MMS19: variants seen among roughly 807,000 people sequenced by gnomAD.
The protein encoded by MMS19 is MMS19 cytosolic iron-sulfur assembly component.
Under a neutral mutation model 129.8 loss-of-function variants are expected in MMS19, and 77 were observed. That is an observed-to-expected ratio of 0.59 (90% CI 0.49 to 0.72). The LOEUF (loss-of-function observed/expected upper bound fraction) is 0.72, where lower values mean the gene tolerates loss of function less well. Among genes scored for constraint, MMS19 ranks in the 30% least tolerant of loss-of-function variants. The probability of loss-of-function intolerance (pLI) is 0.00; values close to 1 mark genes in which losing one functional copy is unlikely to be tolerated. For missense variants in MMS19, 1,168 were observed against 1,266.3 expected (o/e 0.92, Z 1.18); for synonymous variants, 491 against 502.8 (o/e 0.98, Z 0.31).
Position 97,466,084 on chromosome 10 carries a change from G to A in MMS19, c.1581C>T (p.Pro527=). 1 of 1,612,176 alleles carries A rather than the reference G, an allele frequency of 6.2e-7. No individual in the cohort carries two copies. Among genetic ancestry groups the A allele is most frequent in the Non-Finnish European group, 8.5e-7 (1 of 1,178,968 alleles). ...YPVAFSSHLV[P]KLAEELRVGE... ...CTACACGCAGCTCCTCAGCGAGCTT[G>A]GGTACGAGGTGGCTGCTGAAGGCCA... Residue 527 remains proline (P), a synonymous_variant, in exon 17 of 31, where the codon CCC becomes CCT. Coordinates refer to ENST00000438925, the MANE Select transcript of MMS19 (RefSeq NM_022362.5).
chr10:97,461,881 G>C lies in MMS19; in HGVS notation c.2131C>G (p.Gln711Glu). 2 of 1,605,854 alleles carry C rather than the reference G, an allele frequency of 1.2e-6. No individual in the cohort carries two copies. The highest frequency in any genetic ancestry group is 1.7e-5 in the Admixed American group (1 of 58,880). The change falls in exon 22 of 31, where the codon CAG (glutamine) becomes GAG (glutamate). Residue 711 changes from glutamine (Q) to glutamate (E), a missense_variant. By Grantham distance (29) the Gln-to-Glu change is conservative (BLOSUM62 2). This residue lies in a region of MMS19 where 831 missense variants were observed against 910.8 expected (regional missense o/e 0.91). Coordinates refer to ENST00000438925, the MANE Select transcript of MMS19 (RefSeq NM_022362.5). ...FQPFQDGSSG[Q>E]RRLIALLMAF... ...ATAAGCAGTGCAATCAGCCGCCTCTGCCCTGAGGAGCCATCCTATAAAGGA... is the reference window on the plus strand; with the variant it reads ...ATAAGCAGTGCAATCAGCCGCCTCTCCCCTGAGGAGCCATCCTATAAAGGA...
At chr10:97,469,595 T>C (rs949910347) in intron 11 of MMS19, 51 bp downstream of exon 11, 1 of 1,445,506 alleles carries the variant, frequency 6.9e-7, no homozygotes. Context: ...TTTCCCCTCA[T>C]GCCTGACAAT....
At chr10:97,487,777 TAA>T (rs1482780741) in intron 1 of MMS19, among the ~76,000 whole-genome samples, 7 of 152,114 alleles carry the variant, frequency 4.6e-5, no homozygotes, top group Admixed American at 4.6e-4. Context: ...TCCCGATATA[TAA>T]AGAGTTCCCA....
At chr10:97,469,468 T>C (rs966264183) in intron 11 of MMS19, among the ~76,000 whole-genome samples, 178 bp downstream of exon 11, 13 of 152,194 alleles carry the variant, frequency 8.5e-5, no homozygotes, top group African/African-American at 2.7e-4. Flanking sequence ...GACCGTCACA[T>C]AGGGACTCTC....
rs1336847095 is a variant in MMS19 at position 97,461,201 on chromosome 10, GAA to G, written c.2312-196_2312-195del. The G allele has an allele frequency of 6.6e-6, 4 of 609,490 alleles. No individual in the cohort carries two copies. The African/African-American group carries it at 7.4e-5, about 11-fold the overall frequency. 37.8% of individuals were successfully genotyped at this position (609,490 alleles called of 1,614,324 possible). A position where few individuals can be genotyped will look rare whatever the true frequency, so the allele number is the denominator to read the frequency against. Reference sequence around the variant, plus strand: ...TCATAATACAGAGGTGCTGCCATTTGAAAAGAGAGGGTCATCTACTTCCAATA... The same window carrying G: ...TCATAATACAGAGGTGCTGCCATTTGAAGAGAGGGTCATCTACTTCCAATA... On this transcript the variant is annotated intron_variant, in intron 23 of 30. Coordinates refer to ENST00000438925, the MANE Select transcript of MMS19 (RefSeq NM_022362.5).
chr10:97,480,382 A>G (rs754695908), intron 3 of MMS19: 3 of 439,388 alleles, frequency 6.8e-6, no homozygotes, highest in Non-Finnish European at 1.3e-5. Context: ...AACAAAAAAA[A>G]CAAAACAAAA....
intron 1 of MMS19, among the ~76,000 whole-genome samples, chr10:97,491,861 C>T (rs1008672444): frequency 3.3e-5 from 5 of 152,132 alleles, no homozygotes; most frequent in African/African-American, 9.7e-5. Context: ...GACTATAAGG[C>T]CGGGCACGGT....
In MMS19 at chr10:97,460,101, C is replaced by A. The variant is rs928812612; in HGVS notation, c.2601G>T (p.Arg867=). Residue 867 remains arginine (R), a synonymous_variant, in exon 26 of 31, where the codon CGG becomes CGT. Transcript: ENST00000438925. The part of the protein sequence containing the change: ...HAEVRIMFRQ[R]FFTDNVPALV... ...AAGCAGGCACATTATCTGTGAAGAA[C>A]CGCTGGCGGAACATGATCCGCACTT... 2 of 1,613,950 alleles carry A rather than the reference C, an allele frequency of 1.2e-6. No homozygotes were observed. The highest frequency in any genetic ancestry group is 2.7e-5 in the African/African-American group (2 of 74,940).
At chr10:97,484,931 A>T (rs891813573) in intron 1 of MMS19, among the ~76,000 whole-genome samples, 1 of 152,070 alleles carries the variant, frequency 6.6e-6, no homozygotes, top group Non-Finnish European at 1.5e-5. Context: ...GGCATGTGCC[A>T]CTACCCCTGG....
chr10:97,498,489 G>A (rs1041707160), upstream of MMS19: 4 of 1,491,096 alleles, frequency 2.7e-6, no homozygotes, highest in African/African-American at 5.6e-5. Context: ...AAGGGGGCGG[G>A]GCGCCGGGGT....
chr10:97,496,542 G>T (rs1000962964), intron 1 of MMS19, among the ~76,000 whole-genome samples: 18 of 150,184 alleles, frequency 1.2e-4, no homozygotes, highest in African/African-American at 3.2e-4. Flanking sequence ...AGAAGAATTT[G>T]CAGTCCTTAT....
Position 97,463,854 on chromosome 10 carries a change from T to C in MMS19, c.1912+4A>G. The C allele has an allele frequency of 6.2e-7, 1 of 1,608,394 alleles. No individual in the cohort carries two copies. The highest frequency in any genetic ancestry group is 8.5e-7 in the Non-Finnish European group (1 of 1,177,500). ...AAGGCCAGGAAGGAGAGGTGGAAAGTTACCTGGCATAGAGGCCTGCACAGC... is the reference window on the plus strand; with the variant it reads ...AAGGCCAGGAAGGAGAGGTGGAAAGCTACCTGGCATAGAGGCCTGCACAGC... On this transcript the variant is annotated splice_donor_region_variant and intron_variant, in intron 19 of 30. Transcript: ENST00000438925.
At chr10:97,477,480 G>C in intron 5 of MMS19, 64 bp from the exon 6 acceptor site, 4 of 1,609,202 alleles carry the variant, frequency 2.5e-6, no homozygotes, top group Non-Finnish European at 1.7e-6. Context: ...GACACAGCTA[G>C]TTCCTGCTTC....
intron 23 of MMS19, 72 bp downstream of exon 23, chr10:97,461,424 A>T: frequency 6.5e-7 from 1 of 1,527,094 alleles, no homozygotes; most frequent in Non-Finnish European, 8.9e-7. Context: ...TAAAAAGAGA[A>T]TGAGTACTGA....
At position 97,476,823 on chromosome 10, in the gene MMS19, A is replaced by G. The variant is rs1043190476; in HGVS notation, c.622+12T>C. On this transcript the variant is annotated intron_variant, in intron 7 of 30. Coordinates refer to ENST00000438925, the MANE Select transcript of MMS19 (RefSeq NM_022362.5). ...AAGCTCCAATGAGCTAATCATGGCTACCACGATATACCCAGGCTATAGTCC... is the reference window on the plus strand; with the variant it reads ...AAGCTCCAATGAGCTAATCATGGCTGCCACGATATACCCAGGCTATAGTCC... 1.9e-5 allele frequency: 30 copies of G among 1,613,852 alleles called. No individual in the cohort carries two copies. Among genetic ancestry groups the G allele is most frequent in the Non-Finnish European group, 2.4e-5 (28 of 1,179,868 alleles).
At position 97,478,422 on chromosome 10, in the gene MMS19, T is replaced by C. The variant is rs375836742; in HGVS notation, c.263-33A>G. On this transcript the variant is annotated intron_variant, in intron 3 of 30. Coordinates refer to ENST00000438925, the MANE Select transcript of MMS19 (RefSeq NM_022362.5). ...AACCAGATTCAGCCATTAGTTGACA[T>C]AGGCACGAGAAGGGCCCAAGAGCTT... 1.7e-4 allele frequency: 257 copies of C among 1,530,054 alleles called. 4 individuals are homozygous for C. The East Asian group carries it at 5.3e-3, about 32-fold the overall frequency. 94.8% of individuals were successfully genotyped at this position (1,530,054 alleles called of 1,614,324 possible).
chr10:97,488,993 T>G (rs2038411735), intron 1 of MMS19, among the ~76,000 whole-genome samples: 1 of 152,226 alleles, frequency 6.6e-6, no homozygotes, highest in Non-Finnish European at 1.5e-5. Context: ...CATCCTGCTC[T>G]GTTGCCCAGG....
chr10:97,479,740 C>A (rs1040256749), intron 3 of MMS19, among the ~76,000 whole-genome samples: 8 of 151,812 alleles, frequency 5.3e-5, no homozygotes, highest in Non-Finnish European at 8.8e-5. Context: ...GTGTACATTA[C>A]CATATAATGT....
chr10:97,475,692 G>GC (rs1457352130), intron 8 of MMS19, among the ~76,000 whole-genome samples: 3 of 152,074 alleles, frequency 2.0e-5, no homozygotes, highest in East Asian at 3.9e-4. Context: ...AGTTGAGATC[G>GC]CACCACTGCA....
Sources: allele counts gnomAD v4.1 joint callset (sites outside exome capture counted in the v4.1 genomes callset), GRCh38; gene constraint gnomAD v4.1.1; regional missense constraint gnomAD v4.1.1; transcripts MANE v1.5; gene names NCBI Gene and HGNC (gene_info 2026-07-23, HGNC 2026-07-21).